PDZD2: variants seen among roughly 807,000 people sequenced by gnomAD.
The protein encoded by PDZD2 is PDZ domain containing 2, also known as PDZ domain-containing protein 2.
Under a neutral mutation model 220.7 loss-of-function variants are expected in PDZD2, and 90 were observed. That is an observed-to-expected ratio of 0.41 (90% CI 0.34 to 0.49). The LOEUF is 0.49. Among genes scored for constraint, PDZD2 ranks in the 20% least tolerant of loss-of-function variants. The probability of loss-of-function intolerance (pLI) is 0.28; values close to 1 mark genes in which losing one functional copy is unlikely to be tolerated. For missense variants in PDZD2, 3,174 were observed against 3,608.5 expected, an observed-to-expected ratio of 0.88 and a Z score of 3.08; for synonymous variants, 1,375 against 1,450.5, an observed-to-expected ratio of 0.95 and a Z score of 1.18.
chr5:31,990,978 G>A (rs571514748), intron 3 of PDZD2, among the ~76,000 whole-genome samples: 22 of 152,264 alleles, frequency 1.4e-4, no homozygotes, highest in East Asian at 3.9e-4. Context: ...TGCATAATCC[G>A]GGGCAGAATG....
At chr5:31,777,807 A>C (rs1752793737) in intron 1 of PDZD2, among the ~76,000 whole-genome samples, 1 of 151,948 alleles carries the variant, frequency 6.6e-6, no homozygotes, top group Non-Finnish European at 1.5e-5. Context: ...ACCAATCAGC[A>C]CTCTGTATCT....
rs1743998560 is a variant in PDZD2 at position 32,098,987 on chromosome 5, A to G, written c.8218+353A>G. Among the ~76,000 whole-genome samples the G allele has an allele frequency of 6.6e-6, 1 of 152,204 alleles. No homozygotes were observed. Among genetic ancestry groups the G allele is most frequent in the Admixed American group, 6.5e-5 (1 of 15,280 alleles). ...TACGTGACGGGGCGAGCAGTGTTGAAGGAGAAATTCCAGAACTAAGATTTA... is the reference window on the plus strand; with the variant it reads ...TACGTGACGGGGCGAGCAGTGTTGAGGGAGAAATTCCAGAACTAAGATTTA... On this transcript the variant is annotated intron_variant, in intron 23 of 24. Coordinates refer to ENST00000438447, the MANE Select transcript of PDZD2 (RefSeq NM_178140.4). This position sits in a 1 kb window ranked among gnomAD's most constrained non-coding sequence, Gnocchi z 4.1.
At chr5:31,689,394 CA>C (rs1747027272) in intron 1 of PDZD2, among the ~76,000 whole-genome samples, 1 of 115,968 alleles carries the variant, frequency 8.6e-6, no homozygotes, top group African/African-American at 3.7e-5. Context: ...GGGGTTTCAC[CA>C]CATTGGCCAG....
intron 1 of PDZD2, among the ~76,000 whole-genome samples, chr5:31,733,423 C>A (rs1244607384): frequency 1.3e-5 from 2 of 152,128 alleles, no homozygotes; most frequent in African/African-American, 4.8e-5. Context: ...TGCTTTGGAG[C>A]TCATTCTTTC....
intron 1 of PDZD2, among the ~76,000 whole-genome samples, chr5:31,649,431 A>C (rs10071670): frequency 6.6e-6 from 1 of 151,636 alleles, no homozygotes; most frequent in African/African-American, 2.4e-5. Flanking sequence ...TCACAAGAAC[A>C]TATGATCTAA....
chr5:31,844,048 G>A (rs1460283937), intron 2 of PDZD2: 1 of 152,122 alleles, frequency 6.6e-6, no homozygotes, highest in Non-Finnish European at 1.5e-5. Context: ...GGAATAATTA[G>A]GAAGGGGCAT....
chr5:32,043,567 T>C (rs147904379), intron 7 of PDZD2, among the ~76,000 whole-genome samples: 1,635 of 152,384 alleles, frequency 0.011, 7 homozygotes, highest in Middle Eastern at 0.017. Context: ...CACTCCATGG[T>C]GTGGCAGCAA....
chr5:31,899,836 G>A (rs143143297), intron 2 of PDZD2, among the ~76,000 whole-genome samples: 165 of 152,268 alleles, frequency 1.1e-3, no homozygotes, highest in African/African-American at 3.9e-3. Flanking sequence ...ATGTAAGGAC[G>A]CAGTCAGAAG....
intron 2 of PDZD2, among the ~76,000 whole-genome samples, chr5:31,854,355 A>T (rs1758240333): frequency 6.6e-6 from 1 of 152,062 alleles, no homozygotes; most frequent in Admixed American, 6.6e-5. Context: ...GGGGTAGGGG[A>T]GCGGGAGAAG....
At chr5:31,920,717 T>C (rs1744171625) in intron 2 of PDZD2, among the ~76,000 whole-genome samples, 1 of 152,116 alleles carries the variant, frequency 6.6e-6, no homozygotes, top group South Asian at 2.1e-4. Context: ...ATGACATGTA[T>C]CCATCATTAT....
chr5:32,092,759 GT>G (rs1356654163), intron 20 of PDZD2, 147 bp from the exon 21 acceptor site: 2 of 491,700 alleles, frequency 4.1e-6, no homozygotes, highest in Non-Finnish European at 7.2e-6. Context: ...TCTTCCATTA[GT>G]TTGGAATGGA....
intron 24 of PDZD2, among the ~76,000 whole-genome samples, chr5:32,105,142 A>C (rs990734491): frequency 1.1e-4 from 16 of 152,058 alleles, no homozygotes; most frequent in African/African-American, 3.9e-4. Flanking sequence ...TCAAAAAAAA[A>C]CAATCAATCA....
At chr5:32,097,450 C>T (rs1240482535) in intron 22 of PDZD2, 70 bp downstream of exon 22, 1 of 912,196 alleles carries the variant, frequency 1.1e-6, no homozygotes, top group Non-Finnish European at 1.8e-6. Flanking sequence ...GATCAGGGCA[C>T]AAATTCCAAT....
At chr5:32,093,067 CGT>C (rs1561580010) in intron 21 of PDZD2, 43 bp downstream of exon 21, 1 of 1,021,096 alleles carries the variant, frequency 9.8e-7, no homozygotes, top group East Asian at 2.4e-5. Flanking sequence ...ATTGCGGCCG[CGT>C]GAGTGCCCAG....
At chr5:31,737,365 G>A (rs1749958566) in intron 1 of PDZD2, among the ~76,000 whole-genome samples, 1 of 151,688 alleles carries the variant, frequency 6.6e-6, no homozygotes, top group Non-Finnish European at 1.5e-5. Flanking sequence ...GTAGAGATGG[G>A]GTTTCACCGT....
At chr5:31,972,489 G>T (rs1231305991) in intron 2 of PDZD2, among the ~76,000 whole-genome samples, 2 of 151,906 alleles carry the variant, frequency 1.3e-5, no homozygotes, top group South Asian at 2.1e-4. Flanking sequence ...ACTTTAATAG[G>T]TGTATCATGT....
chr5:31,973,370 T>C (rs563521942), intron 2 of PDZD2, among the ~76,000 whole-genome samples: 2 of 152,330 alleles, frequency 1.3e-5, no homozygotes, highest in Non-Finnish European at 2.9e-5. Context: ...TGCATGGAGA[T>C]CAAAATAATT....
At chr5:31,771,837 G>A (rs1197013870) in intron 1 of PDZD2, among the ~76,000 whole-genome samples, 1 of 152,088 alleles carries the variant, frequency 6.6e-6, no homozygotes, top group Admixed American at 6.6e-5. Flanking sequence ...TCACTGCCTG[G>A]GTGACTTTTC....
chr5:32,074,649 T>G lies in PDZD2; in HGVS notation c.3537+6T>G, dbSNP rs1741115628. ...CAGGTGGAGCTGTGGAGAAGGTAACTGACTTTCTCTTAGTTACTTGGAATG... is the reference window on the plus strand; with the variant it reads ...CAGGTGGAGCTGTGGAGAAGGTAACGGACTTTCTCTTAGTTACTTGGAATG... On this transcript the variant is annotated splice_donor_region_variant and intron_variant, in intron 18 of 24. Coordinates refer to ENST00000438447, the MANE Select transcript of PDZD2 (RefSeq NM_178140.4). 6.3e-7 allele frequency: 1 copy of G among 1,578,846 alleles called. No homozygotes were observed. The highest frequency in any genetic ancestry group is 8.6e-7 in the Non-Finnish European group (1 of 1,160,546).
Sources: gnomAD v4.1 joint callset for allele counts (sites outside exome capture counted in the v4.1 genomes callset) on GRCh38, gnomAD v4.1.1 for gene constraint, Gnocchi (gnomAD v3.1) non-coding constraint, MANE v1.5 for transcripts, NCBI Gene and HGNC (gene_info 2026-07-23, HGNC 2026-07-21) for gene names.